CEP128: variants seen among roughly 807,000 people sequenced by gnomAD.
CEP128 encodes the protein centrosomal protein 128.
CEP128 carries 132 observed loss-of-function variants against 156.7 expected under a neutral mutation model. The observed-to-expected ratio is 0.84, with a 90% CI of 0.73 to 0.97. CEP128 has a LOEUF of 0.97. Among genes scored for constraint, CEP128 ranks in the 50% least tolerant of loss-of-function variants. The pLI, the probability that CEP128 is intolerant of heterozygous loss-of-function variation, is 0.00. For missense variants in CEP128, 1,252 were observed against 1,281.9 expected, an observed-to-expected ratio of 0.98 and a Z score of 0.36; for synonymous variants, 469 against 448.9, an observed-to-expected ratio of 1.04 and a Z score of -0.57.
intron 19 of CEP128, among the ~76,000 whole-genome samples, chr14:80,640,922 G>T (rs1253477733): frequency 6.6e-6 from 1 of 152,130 alleles, no homozygotes; most frequent in African/African-American, 2.4e-5. Flanking sequence ...TTTGAAGCCA[G>T]ATAAATATCC....
intron 14 of CEP128, among the ~76,000 whole-genome samples, chr14:80,478,903 C>T (rs912127547): frequency 2.0e-5 from 3 of 152,182 alleles, no homozygotes; most frequent in African/African-American, 7.2e-5. Context: ...AGCTTTGTCA[C>T]TCATTGTTCA....
chr14:80,638,921 G>A (rs1013070485), intron 19 of CEP128, among the ~76,000 whole-genome samples: 4 of 151,920 alleles, frequency 2.6e-5, no homozygotes, highest in Non-Finnish European at 5.9e-5. Flanking sequence ...AACCACTTAG[G>A]TTAAAAAAAG....
intron 16 of CEP128, among the ~76,000 whole-genome samples, chr14:80,776,844 C>A (rs910706434): frequency 2.0e-5 from 3 of 152,044 alleles, no homozygotes; most frequent in African/African-American, 7.2e-5. Flanking sequence ...AAAGAGAAAA[C>A]AAATTTAAAT....
rs190829905 is a variant in CEP128 at position 80,544,615 on chromosome 14, T to G, written c.2881-13729A>C. ...TTGCAAGTTGTGCAAAATCTCAGAC[T>G]CCTCACGGACATACTTTGGGCAATA... On this transcript the variant is annotated intron_variant, in intron 21 of 24. Coordinates refer to ENST00000555265, the MANE Select transcript of CEP128 (RefSeq NM_152446.5). Among the ~76,000 whole-genome samples the G allele has an allele frequency of 4.9e-3, 745 of 152,268 alleles. 4 individuals are homozygous for G. The highest frequency in any genetic ancestry group is 8.5e-3 in the South Asian group (41 of 4,802).
intron 19 of CEP128, among the ~76,000 whole-genome samples, chr14:80,694,932 A>T (rs1435250206): frequency 1.3e-5 from 2 of 151,884 alleles, no homozygotes; most frequent in African/African-American, 2.4e-5. Context: ...AAAAAAAAAA[A>T]ACTTGTTTTC....
intron 9 of CEP128, among the ~76,000 whole-genome samples, chr14:80,848,598 T>C (rs371879678): frequency 1.8e-4 from 27 of 151,420 alleles, no homozygotes; most frequent in Middle Eastern, 3.4e-3. Context: ...AGTCAGAGGC[T>C]GCAGTGAGCC....
At position 80,792,670 on chromosome 14, in the gene CEP128, A is replaced by G. The variant is rs189700020; in HGVS notation, c.1560+90T>C. The G allele has an allele frequency of 6.8e-5, 65 of 955,440 alleles. 1 individual carries two copies. The African/African-American group carries it at 9.7e-4, about 14-fold the overall frequency. The allele number at this position is 955,440 out of a possible 1,614,324, so 59.2% of individuals were successfully genotyped here. On this transcript the variant is annotated intron_variant, in intron 14 of 24. Coordinates refer to ENST00000555265, the MANE Select transcript of CEP128 (RefSeq NM_152446.5). ...TCAAGGACATATTGATTATATGTAC[A>G]GTATGGCACTCAAGTGTTTTTTCAA...
At chr14:80,694,878 G>T (rs1165377000) in intron 19 of CEP128, among the ~76,000 whole-genome samples, 3 of 150,388 alleles carry the variant, frequency 2.0e-5, no homozygotes, top group African/African-American at 7.4e-5. Flanking sequence ...TAACAAACCT[G>T]CAGGTTCTGC....
chr14:80,664,556 A>G (rs1321937198), intron 19 of CEP128, among the ~76,000 whole-genome samples: 1 of 152,162 alleles, frequency 6.6e-6, no homozygotes, highest in African/African-American at 2.4e-5. Flanking sequence ...ACTACTTACA[A>G]TAGCTCTAAG....
chr14:80,575,600 T>C (rs1445332926), intron 20 of CEP128, among the ~76,000 whole-genome samples: 1 of 152,154 alleles, frequency 6.6e-6, no homozygotes, highest in African/African-American at 2.4e-5. Context: ...TGTTTATTGC[T>C]TTATCCCTAA....
intron 19 of CEP128, among the ~76,000 whole-genome samples, chr14:80,688,776 G>A (rs755410106): frequency 9.2e-5 from 14 of 152,168 alleles, no homozygotes; most frequent in Non-Finnish European, 1.9e-4. Flanking sequence ...GCCTCATAGC[G>A]CATTTGAATA....
intron 19 of CEP128, among the ~76,000 whole-genome samples, chr14:80,668,887 T>C (rs1342886959): frequency 6.6e-6 from 1 of 152,220 alleles, no homozygotes; most frequent in African/African-American, 2.4e-5. Context: ...GATGGTTTTA[T>C]AAAAGGAAGT....
intron 8 of CEP128, among the ~76,000 whole-genome samples, chr14:80,864,249 T>C (rs528883214): frequency 4.6e-5 from 7 of 152,318 alleles, no homozygotes; most frequent in African/African-American, 1.7e-4. Context: ...CAGTAGGCTA[T>C]TAGTAGTGAA....
At chr14:80,643,471 C>G (rs936879557) in intron 19 of CEP128, among the ~76,000 whole-genome samples, 27 of 152,242 alleles carry the variant, frequency 1.8e-4, no homozygotes, top group African/African-American at 6.5e-4. Flanking sequence ...GTAATCCCAA[C>G]ACTTTGGGAG....
In CEP128 at chr14:80,656,161, C is replaced by T. The variant is rs558985335; in HGVS notation, c.2807-75738G>A. On this transcript the variant is annotated intron_variant, in intron 19 of 24. Coordinates refer to ENST00000555265, the MANE Select transcript of CEP128 (RefSeq NM_152446.5). ...AAAACTGTACATCTTTGGCAAAGTC[C>T]AAAGTTAATTTTCTATAAGGATGTT... is the stretch of plus-strand genomic sequence containing the variant. Among the ~76,000 whole-genome samples the T allele has an allele frequency of 1.4e-3, 215 of 150,530 alleles. 3 individuals are homozygous for T. In the Middle Eastern group the frequency reaches 0.031, roughly 22 times the overall value.
chr14:80,735,874 T>C (rs1047703436), intron 19 of CEP128, among the ~76,000 whole-genome samples: 3 of 152,170 alleles, frequency 2.0e-5, no homozygotes, highest in Non-Finnish European at 4.4e-5. Flanking sequence ...CTTTCTCATA[T>C]TGAATCCTAC....
rs140261703 is a variant in CEP128 at position 80,750,457 on chromosome 14, G to C, written c.2613+6435C>G. 1.3e-4 allele frequency among the ~76,000 whole-genome samples: 19 copies of C among 151,958 alleles called. 1 individual carries two copies. The highest frequency in any genetic ancestry group is 4.3e-4 in the African/African-American group (18 of 41,438). ...CATAAAACTTCGATATTGTCTTTAT[G>C]CAATTGTCTGAGTTTTCAAATGTTT... On this transcript the variant is annotated intron_variant, in intron 18 of 24. Transcript: ENST00000555265.
At chr14:80,746,322 T>C (rs1899097129) in intron 18 of CEP128, among the ~76,000 whole-genome samples, 1 of 152,184 alleles carries the variant, frequency 6.6e-6, no homozygotes, top group African/African-American at 2.4e-5. Context: ...GGATTCATAC[T>C]TATCCATTCC....
chr14:80,886,802 G>A (rs1029177377), intron 8 of CEP128, among the ~76,000 whole-genome samples: 3 of 152,102 alleles, frequency 2.0e-5, no homozygotes, highest in East Asian at 1.9e-4. Context: ...ATGTAAATGG[G>A]CTAAATGCCC....
Sources: gnomAD v4.1 joint callset for allele counts (sites outside exome capture counted in the v4.1 genomes callset) on GRCh38, gnomAD v4.1.1 for gene constraint, MANE v1.5 for transcripts, NCBI Gene and HGNC (gene_info 2026-07-23, HGNC 2026-07-21) for gene names.